Variants in GTF3C3 observed in about 807,000 individuals in gnomAD.
GTF3C3 encodes the protein general transcription factor IIIC subunit 3, also known as general transcription factor 3C polypeptide 3.
Under a neutral mutation model 105.2 loss-of-function variants are expected in GTF3C3, and 75 were observed. That is an observed-to-expected ratio of 0.71 (90% CI 0.59 to 0.86). The LOEUF (loss-of-function observed/expected upper bound fraction) is 0.86. Among genes scored for constraint, GTF3C3 ranks in the 40% least tolerant of loss-of-function variants. GTF3C3 has a pLI of 0.00. For synonymous variants in GTF3C3, 335 were observed against 370.4 expected, an observed-to-expected ratio of 0.90 and a Z score of 1.10; for missense variants, 856 against 1,076.5, an observed-to-expected ratio of 0.80 and a Z score of 2.87.
intron 2 of GTF3C3, among the ~76,000 whole-genome samples, chr2:196,793,395 T>G (rs1030068275): frequency 2.6e-5 from 4 of 151,954 alleles, no homozygotes; most frequent in Admixed American, 1.3e-4. Flanking sequence ...CAAAATTAAC[T>G]GAAAAATCAG....
chr2:196,785,403 ATGCAAAACTTAACAGAGAAACAC>A lies in GTF3C3; in HGVS notation c.1041+15_1041+37del. On this transcript the variant is annotated intron_variant, in intron 7 of 17. Transcript: ENST00000263956. ...AAGAATTTCCAGAACACAGAAACAC[ATGCAAAACTTAACAGAGAAACAC>A]ATAAGCATTCCTACCTCCAAAGCTT... 7.7e-7 allele frequency: 1 copy of A among 1,294,834 alleles called. No individual in the cohort carries two copies. The highest frequency in any genetic ancestry group is 1.0e-6 in the Non-Finnish European group (1 of 980,178). 80.2% of individuals were successfully genotyped at this position (1,294,834 alleles called of 1,614,324 possible). A position where few individuals can be genotyped will look rare whatever the true frequency, so the allele number is the denominator to read the frequency against.
intron 3 of GTF3C3, 130 bp from the exon 4 acceptor site, chr2:196,791,590 C>T (rs1047938449): frequency 1.4e-5 from 10 of 704,736 alleles, no homozygotes; most frequent in Non-Finnish European, 2.0e-5. Flanking sequence ...TTTTTGCAAC[C>T]CAGAACTAAA....
intron 8 of GTF3C3, 69 bp from the exon 9 acceptor site, chr2:196,780,731 C>A: frequency 1.3e-6 from 2 of 1,532,038 alleles, no homozygotes; most frequent in Non-Finnish European, 1.8e-6. Context: ...TATGTAAGAT[C>A]TCATTTATTT....
chr2:196,787,770 G>A (rs1232818189), intron 6 of GTF3C3, among the ~76,000 whole-genome samples: 1 of 152,138 alleles, frequency 6.6e-6, no homozygotes, highest in Non-Finnish European at 1.5e-5. Context: ...AGCTTTACAA[G>A]AGTAGGGGAT....
chr2:196,771,708 A>G (rs1334950582), intron 15 of GTF3C3, 40 bp downstream of exon 15: 3 of 1,403,596 alleles, frequency 2.1e-6, no homozygotes, highest in Non-Finnish European at 3.0e-6. Context: ...TCTTCACCAC[A>G]CTATTTATGC....
chr2:196,799,619 G>A lies in GTF3C3; in HGVS notation c.-8C>T, dbSNP rs772592249. ...CGGACTGAACCCTGACATGTTTACA[G>A]GGTCTGTCTGTGCAACCCCAGGAAC... On this transcript the variant is annotated 5_prime_UTR_variant, in exon 1 of 18. Transcript: ENST00000263956. 1.3e-6 allele frequency: 2 copies of A among 1,599,950 alleles called. No homozygotes were observed. The highest frequency in any genetic ancestry group is 1.1e-5 in the South Asian group (1 of 90,776).
At chr2:196,789,841 A>G (rs1307505013) in intron 5 of GTF3C3, 38 bp downstream of exon 5, 3 of 1,259,796 alleles carry the variant, frequency 2.4e-6, no homozygotes, top group East Asian at 2.4e-5. Context: ...ATTATGTAAC[A>G]GCTTGTAAAA....
rs750229288 is a variant in GTF3C3, at chr2:196,766,608, T to C, written c.2495A>G (p.His832Arg). The change falls in exon 17 of 18, where the codon CAC becomes CGC. Residue 832 changes from histidine to arginine, a missense_variant. Coordinates refer to ENST00000263956, the MANE Select transcript of GTF3C3 (RefSeq NM_012086.5). ...HQLGLIHLAI[H>R]YYQKALELPP... ...GAGCTCCAGGGCCTTCTGATAATAG[T>C]GGATTGCAAGATGAATCAGCCCCAA... The C allele has an allele frequency of 1.7e-5, 28 of 1,612,788 alleles. No individual in the cohort carries two copies. The highest frequency in any genetic ancestry group is 3.3e-5 in the Admixed American group (2 of 59,982).
chr2:196,798,742 G>C (rs1699693959), intron 1 of GTF3C3, among the ~76,000 whole-genome samples: 1 of 151,160 alleles, frequency 6.6e-6, no homozygotes, highest in African/African-American at 2.4e-5. Context: ...GGCGCCTGTA[G>C]TCCCAGCTAC....
intron 1 of GTF3C3, chr2:196,799,239 C>A (rs1699704022): frequency 5.5e-6 from 2 of 363,896 alleles, no homozygotes; most frequent in South Asian, 7.4e-5. Flanking sequence ...ATTTAACTTA[C>A]CAGCGTTAAG....
chr2:196,783,166 T>G (rs1699395125), intron 8 of GTF3C3, among the ~76,000 whole-genome samples: 2 of 151,630 alleles, frequency 1.3e-5, no homozygotes, highest in Admixed American at 1.3e-4. Context: ...CTGCCAGATT[T>G]CAGATGCACC....
At chr2:196,793,923 T>C (rs192835601) in intron 2 of GTF3C3, among the ~76,000 whole-genome samples, 7 of 152,258 alleles carry the variant, frequency 4.6e-5, no homozygotes, top group South Asian at 2.1e-4. Flanking sequence ...AGCAGAGACA[T>C]TGCTATGGTT....
At chr2:196,777,690 C>G (rs1477249494) in intron 10 of GTF3C3, 1 of 152,152 alleles carries the variant, frequency 6.6e-6, no homozygotes, top group African/African-American at 2.4e-5. Context: ...ACTGAAATAA[C>G]TGAATTCCTC....
In GTF3C3 at chr2:196,764,436, T is replaced by C. The variant is rs995909080; in HGVS notation, c.*127A>G. ...ATCATTATCACATATTAAAAATAAA[T>C]ACACTGTTTGTTAGGTAATTCTGAA... On this transcript the variant is annotated 3_prime_UTR_variant, in exon 18 of 18. Coordinates refer to ENST00000263956, the MANE Select transcript of GTF3C3 (RefSeq NM_012086.5). 28 of 847,300 alleles carry C rather than the reference T, an allele frequency of 3.3e-5. No homozygotes were observed. The highest frequency in any genetic ancestry group is 4.7e-5 in the Non-Finnish European group (27 of 571,132). 52.5% of individuals were successfully genotyped at this position (847,300 alleles called of 1,614,324 possible). A position where few individuals can be genotyped will look rare whatever the true frequency, so the allele number is the denominator to read the frequency against.
At chr2:196,797,454 C>G (rs936981906) in intron 2 of GTF3C3, among the ~76,000 whole-genome samples, 1 of 152,066 alleles carries the variant, frequency 6.6e-6, no homozygotes, top group African/African-American at 2.4e-5. Context: ...CACTTTATAT[C>G]GAAGTGTAAT....
intron 6 of GTF3C3, 57 bp from the exon 7 acceptor site, chr2:196,785,645 T>C (rs1023265801): frequency 6.5e-6 from 7 of 1,070,210 alleles, no homozygotes; most frequent in Non-Finnish European, 9.9e-6. Context: ...ATAAAACTCA[T>C]TTCCTTGCTT....
At position 196,776,363 on chromosome 2, in the gene GTF3C3, TG is replaced by T. The variant is rs1386658103; in HGVS notation, c.1593+63del. 2 of 1,331,194 alleles carry T rather than the reference TG, an allele frequency of 1.5e-6. No individual in the cohort carries two copies. The highest frequency in any genetic ancestry group is 2.1e-6 in the Non-Finnish European group (2 of 941,802). The allele number at this position is 1,331,194 out of a possible 1,614,324, so 82.5% of individuals were successfully genotyped here. ...ATATAAGCTATAGAGACATCCTTAATGGAGGAGAAAGTTCTAAAATATAATA... is the reference window on the plus strand; with the variant it reads ...ATATAAGCTATAGAGACATCCTTAATGAGGAGAAAGTTCTAAAATATAATA... On this transcript the variant is annotated intron_variant, in intron 11 of 17. Transcript: ENST00000263956. The surrounding 1 kb of genome is among the most constrained non-coding windows in gnomAD (Gnocchi z 4.5).
At chr2:196,764,807 T>TAA (rs56828869) in intron 17 of GTF3C3, 122 bp from the exon 18 acceptor site, 1 of 681,426 alleles carries the variant, frequency 1.5e-6, no homozygotes, top group East Asian at 2.6e-5. Flanking sequence ...GCTCATGTAC[T>TAA]AAAAAAAAAT....
intron 7 of GTF3C3, 117 bp downstream of exon 7, chr2:196,785,324 T>C (rs951284052): frequency 1.5e-6 from 1 of 672,234 alleles, no homozygotes; most frequent in Non-Finnish European, 2.5e-6. Flanking sequence ...CTTGTTTCCA[T>C]ATAGACTTTA....
Sources: allele counts gnomAD v4.1 joint callset (sites outside exome capture counted in the v4.1 genomes callset), GRCh38; gene constraint gnomAD v4.1.1; non-coding constraint Gnocchi (gnomAD v3.1); transcripts MANE v1.5; gene names NCBI Gene and HGNC (gene_info 2026-07-23, HGNC 2026-07-21).